Variants in ASTN2 observed in about 807,000 individuals in gnomAD.
The protein encoded by ASTN2 is astrotactin 2.
In ASTN2, 54 loss-of-function variants were observed where a neutral mutation model predicts 139.8. The ratio of observed to expected loss-of-function variants is 0.39; its 90% CI spans 0.31 to 0.48. ASTN2 has a LOEUF of 0.48. Ranked by LOEUF, ASTN2 falls within the 20% of genes least tolerant of loss-of-function variation. ASTN2 has a pLI of 0.95. For missense variants in ASTN2, 1,565 were observed against 1,725.1 expected (o/e 0.91, Z 1.64); for synonymous variants, 756 against 719.5 (o/e 1.05, Z -0.81).
chr9:117,223,685 A>G (rs1832604703), intron 2 of ASTN2, among the ~76,000 whole-genome samples: 1 of 152,232 alleles, frequency 6.6e-6, no homozygotes, highest in Non-Finnish European at 1.5e-5. Flanking sequence ...AGGGAAGAAA[A>G]AGGCACAACA....
intron 6 of ASTN2, among the ~76,000 whole-genome samples, chr9:117,012,646 G>T (rs1400652690): frequency 1.3e-5 from 2 of 152,186 alleles, no homozygotes; most frequent in African/African-American, 4.8e-5. Flanking sequence ...GGGACTCAAA[G>T]AGGAACATTG....
chr9:116,895,902 G>A (rs1424182783), intron 10 of ASTN2, among the ~76,000 whole-genome samples: 1 of 152,094 alleles, frequency 6.6e-6, no homozygotes, highest in Non-Finnish European at 1.5e-5. Context: ...GTGGAATTAG[G>A]TTATTACAAT....
At chr9:117,112,204 C>A (rs10983529) in intron 4 of ASTN2, among the ~76,000 whole-genome samples, 10,973 of 151,664 alleles carry the variant, frequency 0.072, 531 homozygotes, top group East Asian at 0.22. Context: ...ATGCTTTCTC[C>A]CCATAAATTT....
At chr9:117,400,996 G>T (rs1196121545) in intron 1 of ASTN2, among the ~76,000 whole-genome samples, 1 of 152,144 alleles carries the variant, frequency 6.6e-6, no homozygotes, top group Admixed American at 6.6e-5. Flanking sequence ...GAGGGGGCTG[G>T]TATTAGGGAT....
intron 3 of ASTN2, among the ~76,000 whole-genome samples, chr9:117,156,628 C>G (rs570779349): frequency 1.4e-4 from 22 of 151,944 alleles, no homozygotes; most frequent in African/African-American, 5.1e-4. Context: ...AGATTCCTAA[C>G]TAAGGAAAGA....
At chr9:116,662,851 A>C (rs1245883301) in intron 16 of ASTN2, among the ~76,000 whole-genome samples, 1 of 152,168 alleles carries the variant, frequency 6.6e-6, no homozygotes, top group Non-Finnish European at 1.5e-5. Context: ...GTAATGTCGT[A>C]ATTTTTTACA....
rs566223205 is a variant in ASTN2, at chr9:116,739,456, AGAATTTGCCCTCTCTCTG to A, written c.2397-5951_2397-5934del. ...TCCCATCCTACACAAGGACCCACTT[AGAATTTGCCCTCTCTCTG>A]GAATTTGCCCTCCCTCTGGAATTTG... On this transcript the variant is annotated intron_variant, in intron 13 of 22. Coordinates refer to ENST00000313400, the MANE Select transcript of ASTN2 (RefSeq NM_001365068.1). 1.5e-3 allele frequency among the ~76,000 whole-genome samples: 221 copies of A among 151,320 alleles called. 1 individual carries two copies. The highest frequency in any genetic ancestry group is 4.8e-3 in the African/African-American group (199 of 41,324).
intron 11 of ASTN2, among the ~76,000 whole-genome samples, chr9:116,851,492 AT>A (rs1304604550): frequency 2.6e-5 from 4 of 151,380 alleles, no homozygotes; most frequent in South Asian, 2.1e-4. Context: ...CTATCTATCT[AT>A]CTATCTATCT....
chr9:116,834,512 A>C (rs10759867), intron 11 of ASTN2, among the ~76,000 whole-genome samples: 1 of 152,132 alleles, frequency 6.6e-6, no homozygotes, highest in African/African-American at 2.4e-5. Context: ...CTATGTCTTC[A>C]TGGTAAATGA....
chr9:116,863,594 A>C lies in ASTN2; in HGVS notation c.2029T>G (p.Ser677Ala). 1 of 1,614,160 alleles carries C rather than the reference A, an allele frequency of 6.2e-7. No individual in the cohort carries two copies. Among genetic ancestry groups the C allele is most frequent in the Non-Finnish European group, 8.5e-7 (1 of 1,180,008 alleles). Residue 677 changes from serine to alanine, a missense_variant, in exon 11 of 23, where the codon TCG (serine) becomes GCG (alanine). By Grantham distance (99) the Ser-to-Ala change is moderately conservative. This residue lies in a region of ASTN2 where 503 missense variants were observed against 591.7 expected (regional missense o/e 0.85). Transcript: ENST00000313400. ...KCVSDRQVDS[S>A]GCVCPEELKP... Reference sequence around the variant, plus strand: ...CAATGGGCACTTACCACACATCCCGAGGAATCCACCTGCCGGTCAGACACA... The same window carrying C: ...CAATGGGCACTTACCACACATCCCGCGGAATCCACCTGCCGGTCAGACACA...
chr9:117,401,986 G>A (rs1426505113), intron 1 of ASTN2, among the ~76,000 whole-genome samples: 2 of 152,238 alleles, frequency 1.3e-5, no homozygotes, highest in Non-Finnish European at 2.9e-5. Flanking sequence ...GACCGGTTAG[G>A]AGGCTGATAT....
chr9:117,222,165 C>A (rs890934238), intron 2 of ASTN2, among the ~76,000 whole-genome samples: 2 of 152,164 alleles, frequency 1.3e-5, no homozygotes, highest in African/African-American at 2.4e-5. Flanking sequence ...GTAACTAAGG[C>A]ACACATGGAA....
intron 3 of ASTN2, among the ~76,000 whole-genome samples, chr9:117,162,923 G>T (rs971087509): frequency 3.9e-5 from 6 of 152,054 alleles, no homozygotes; most frequent in African/African-American, 1.4e-4. Flanking sequence ...AGAAACCTCA[G>T]AAGAGAGATG....
chr9:116,909,875 C>T (rs1428601421), intron 10 of ASTN2, among the ~76,000 whole-genome samples: 2 of 152,106 alleles, frequency 1.3e-5, no homozygotes, highest in African/African-American at 2.4e-5. Context: ...TTGGATTTGG[C>T]CAGATGGAGG....
At chr9:116,447,475 C>T (rs529047439) in intron 20 of ASTN2, among the ~76,000 whole-genome samples, 15 of 152,284 alleles carry the variant, frequency 9.9e-5, no homozygotes, top group African/African-American at 3.1e-4. Context: ...GTTCATTTCC[C>T]TTTCCTGGAA....
intron 4 of ASTN2, among the ~76,000 whole-genome samples, chr9:117,108,539 C>T (rs913582592): frequency 6.6e-6 from 1 of 151,630 alleles, no homozygotes; most frequent in African/African-American, 2.4e-5. Flanking sequence ...GGAAGTGAAA[C>T]AGAAATAGTT....
intron 6 of ASTN2, among the ~76,000 whole-genome samples, chr9:117,038,894 A>C (rs1414942579): frequency 6.6e-6 from 1 of 152,224 alleles, no homozygotes; most frequent in Non-Finnish European, 1.5e-5. Context: ...ACAGTGTCTC[A>C]TTAATTCAAT....
chr9:117,240,217 C>T (rs55910189), intron 2 of ASTN2, among the ~76,000 whole-genome samples: 143 of 152,238 alleles, frequency 9.4e-4, no homozygotes, highest in South Asian at 4.4e-3. Context: ...GGTTCAGTGA[C>T]GTGGTGAGAA....
At chr9:117,153,870 A>C (rs1012879112) in intron 3 of ASTN2, among the ~76,000 whole-genome samples, 2 of 152,140 alleles carry the variant, frequency 1.3e-5, no homozygotes, top group Non-Finnish European at 2.9e-5. Context: ...ATGAATGAAC[A>C]CATGTTTCCA....
Sources: gnomAD v4.1 joint callset for allele counts (sites outside exome capture counted in the v4.1 genomes callset) on GRCh38, gnomAD v4.1.1 for gene constraint, gnomAD v4.1.1 regional missense constraint, MANE v1.5 for transcripts, NCBI Gene and HGNC (gene_info 2026-07-23, HGNC 2026-07-21) for gene names.